Variants in KLHL29 observed in about 807,000 individuals in gnomAD.
KLHL29 encodes kelch-like protein 29.
KLHL29 carries 21 observed loss-of-function variants against 80.4 expected under a neutral mutation model. That is an observed-to-expected ratio of 0.26 (90% CI 0.19 to 0.38). The LOEUF is 0.38. Ranked by LOEUF, KLHL29 falls within the 10% of genes least tolerant of loss-of-function variation. The probability of loss-of-function intolerance (pLI) is 1.00; values close to 1 mark genes in which losing one functional copy is unlikely to be tolerated. For missense variants in KLHL29, 867 were observed against 1,223.9 expected, an observed-to-expected ratio of 0.71 and a Z score of 4.35; for synonymous variants, 511 against 526.8, an observed-to-expected ratio of 0.97 and a Z score of 0.41.
chr2:23,652,561 C>T (rs6721623), intron 5 of KLHL29, among the ~76,000 whole-genome samples: 40,618 of 152,068 alleles, frequency 0.27, 5,479 homozygotes, highest in East Asian at 0.36. Flanking sequence ...TTACCATGTG[C>T]ATGTCCTCCC....
chr2:23,694,083 A>G (rs1383531601), intron 8 of KLHL29, among the ~76,000 whole-genome samples: 1 of 152,220 alleles, frequency 6.6e-6, no homozygotes, highest in Non-Finnish European at 1.5e-5. Context: ...GACAGCCACA[A>G]GTCCCTATGA....
At chr2:23,478,558 G>C (rs1050641741) in intron 2 of KLHL29, among the ~76,000 whole-genome samples, 6 of 152,210 alleles carry the variant, frequency 3.9e-5, no homozygotes. Flanking sequence ...CAGCTAGGAG[G>C]AGTGAAATCT....
chr2:23,619,245 C>G (rs1043164907), intron 3 of KLHL29, among the ~76,000 whole-genome samples: 1 of 152,228 alleles, frequency 6.6e-6, no homozygotes, highest in Non-Finnish European at 1.5e-5. Context: ...GCAGGTGAGG[C>G]TCTGAGCTAA....
intron 3 of KLHL29, among the ~76,000 whole-genome samples, chr2:23,636,644 T>A (rs1669618771): frequency 6.6e-6 from 1 of 152,202 alleles, no homozygotes; most frequent in African/African-American, 2.4e-5. Context: ...GGCTGAGTCT[T>A]GGTCACCCGT....
chr2:23,630,867 A>G (rs548521531), intron 3 of KLHL29, among the ~76,000 whole-genome samples: 3 of 152,286 alleles, frequency 2.0e-5, no homozygotes, highest in Non-Finnish European at 4.4e-5. Flanking sequence ...ATTCCTCATG[A>G]AAGGAAATCA....
chr2:23,643,180 G>C, intron 5 of KLHL29: 1 of 491,134 alleles, frequency 2.0e-6, no homozygotes, highest in Non-Finnish European at 3.8e-6. Flanking sequence ...GCCAGGCCAA[G>C]CTGCAAAAGG....
intron 3 of KLHL29, among the ~76,000 whole-genome samples, chr2:23,629,570 G>A (rs7571157): frequency 2.3e-3 from 352 of 152,300 alleles, no homozygotes; most frequent in African/African-American, 7.8e-3. Flanking sequence ...CCACTGGGAG[G>A]GGGGCTTGGA....
intron 2 of KLHL29, among the ~76,000 whole-genome samples, chr2:23,480,039 A>G (rs1295423503): frequency 1.3e-5 from 2 of 152,242 alleles, no homozygotes; most frequent in African/African-American, 4.8e-5. Context: ...GGAAAGCCCT[A>G]TAAAACCTTC....
At chr2:23,480,499 CA>C (rs61231002) in intron 2 of KLHL29, among the ~76,000 whole-genome samples, 130,255 of 151,562 alleles carry the variant, frequency 0.86, 56,332 homozygotes, top group African/African-American at 0.96. Flanking sequence ...CAAAAAAAAA[CA>C]AAAAAAAACT....
rs57565526 is a variant in KLHL29 at position 23,497,276 on chromosome 2, C to G, written c.-46+21609C>G. Reference sequence around the variant, plus strand: ...TTTGTTTTCCTCCTTGGCAATCTCTCTGTGGTTTTGTGGCTGCCCATGTGG... The same window carrying G: ...TTTGTTTTCCTCCTTGGCAATCTCTGTGTGGTTTTGTGGCTGCCCATGTGG... On this transcript the variant is annotated intron_variant, in intron 2 of 13. Transcript: ENST00000486442. Among the ~76,000 whole-genome samples, 535 of 152,264 alleles carry G rather than the reference C, an allele frequency of 3.5e-3. 8 individuals are homozygous for G. The highest frequency in any genetic ancestry group is 0.012 in the African/African-American group (507 of 41,544).
chr2:23,527,725 C>G (rs1666369891), intron 2 of KLHL29, among the ~76,000 whole-genome samples: 1 of 152,228 alleles, frequency 6.6e-6, no homozygotes, highest in African/African-American at 2.4e-5. Context: ...GCTCTCATTT[C>G]AGAGGTGAGG....
chr2:23,541,759 C>A (rs1666840430), intron 2 of KLHL29, among the ~76,000 whole-genome samples: 1 of 136,788 alleles, frequency 7.3e-6, no homozygotes, highest in Non-Finnish European at 1.5e-5. Flanking sequence ...TTAAAAAAGC[C>A]CAACCCAAAA....
chr2:23,401,983 C>T (rs1349042496), intron 1 of KLHL29, among the ~76,000 whole-genome samples: 1 of 152,188 alleles, frequency 6.6e-6, no homozygotes, highest in Non-Finnish European at 1.5e-5. Flanking sequence ...TATTTATATT[C>T]TGTTGTTGAT....
chr2:23,435,992 C>T (rs540631530), intron 1 of KLHL29, among the ~76,000 whole-genome samples: 2 of 150,784 alleles, frequency 1.3e-5, no homozygotes, highest in Non-Finnish European at 2.9e-5. Flanking sequence ...AGTCCTAGAG[C>T]TTTCGAGACC....
intron 1 of KLHL29, among the ~76,000 whole-genome samples, chr2:23,465,078 G>A (rs1399834379): frequency 6.6e-6 from 1 of 152,230 alleles, no homozygotes; most frequent in African/African-American, 2.4e-5. Context: ...ACGGCCGACA[G>A]ATAGTAGATG....
At chr2:23,393,677 G>A (rs1371112319) in intron 1 of KLHL29, among the ~76,000 whole-genome samples, 1 of 152,134 alleles carries the variant, frequency 6.6e-6, no homozygotes, top group Non-Finnish European at 1.5e-5. Context: ...TGTGAATAGA[G>A]CCTGGAGCAC....
At chr2:23,663,121 CCTGCTCCTCG>C (rs533283951) in intron 5 of KLHL29, among the ~76,000 whole-genome samples, 8 of 152,156 alleles carry the variant, frequency 5.3e-5, no homozygotes, top group African/African-American at 1.9e-4. Context: ...CCTACCGCGC[CCTGCTCCTCG>C]CTGCTCCTCG....
chr2:23,636,371 T>C (rs1327614743), intron 3 of KLHL29, among the ~76,000 whole-genome samples: 5 of 148,000 alleles, frequency 3.4e-5, no homozygotes, highest in Admixed American at 6.8e-5. Context: ...CAGTAGAAAA[T>C]GGGTAGCCTT....
At chr2:23,587,562 C>T (rs191185366) in intron 3 of KLHL29, among the ~76,000 whole-genome samples, 152 of 152,294 alleles carry the variant, frequency 1.0e-3, no homozygotes, top group South Asian at 7.3e-3. Context: ...CAGTGCTTGG[C>T]GCCCATTTGT....
Sources: allele counts gnomAD v4.1 joint callset (sites outside exome capture counted in the v4.1 genomes callset), GRCh38; gene constraint gnomAD v4.1.1; transcripts MANE v1.5; gene names NCBI Gene and HGNC (gene_info 2026-07-23, HGNC 2026-07-21).